CHST9: variants seen among roughly 807,000 people sequenced by gnomAD.
CHST9 encodes GalNAc-4-sulfotransferase 2.
Under a neutral mutation model 44.4 loss-of-function variants are expected in CHST9, and 41 were observed. The observed-to-expected ratio is 0.92, with a 90% CI of 0.72 to 1.20. The LOEUF (loss-of-function observed/expected upper bound fraction) is 1.20. Among genes scored for constraint, CHST9 ranks in the 50% most tolerant of loss-of-function variants. The pLI, the probability that CHST9 is intolerant of heterozygous loss-of-function variation, is 0.00. For synonymous variants in CHST9, 171 were observed against 178.4 expected (o/e 0.96, Z 0.33); for missense variants, 504 against 516.5 (o/e 0.98, Z 0.23).
chr18:27,045,852 A>T (rs1288332917), intron 3 of CHST9, among the ~76,000 whole-genome samples: 1 of 152,076 alleles, frequency 6.6e-6, no homozygotes, highest in Admixed American at 6.6e-5. Context: ...AATAGAAGTC[A>T]CTAAATAGAC....
chr18:27,068,930 A>G (rs2057810884), intron 2 of CHST9, among the ~76,000 whole-genome samples: 1 of 152,172 alleles, frequency 6.6e-6, no homozygotes, highest in Non-Finnish European at 1.5e-5. Context: ...TTTCTAGGAC[A>G]TGAAGGTTTT....
intron 4 of CHST9, among the ~76,000 whole-genome samples, chr18:27,014,458 A>G (rs867903377): frequency 1.8e-3 from 49 of 27,052 alleles, no homozygotes; most frequent in South Asian, 0.012. Flanking sequence ...TGTCTCAAAA[A>G]AAAAAAAAAA....
At chr18:27,010,602 G>A (rs1365731129) in intron 4 of CHST9, among the ~76,000 whole-genome samples, 2 of 152,112 alleles carry the variant, frequency 1.3e-5, no homozygotes, top group Non-Finnish European at 2.9e-5. Context: ...TCTGAACCTT[G>A]GGTTTCTCAT....
At chr18:27,180,216 T>C (rs1404015153) in intron 1 of CHST9, among the ~76,000 whole-genome samples, 1 of 152,190 alleles carries the variant, frequency 6.6e-6, no homozygotes, top group Non-Finnish European at 1.5e-5. Flanking sequence ...TAATGTTTTA[T>C]TTGTCTTAAA....
intron 2 of CHST9, among the ~76,000 whole-genome samples, chr18:27,101,409 G>GTGAA (rs371669685): frequency 6.0e-5 from 9 of 150,940 alleles, no homozygotes; most frequent in African/African-American, 2.2e-4. Flanking sequence ...GGCTAACACG[G>GTGAA]TGAAACCCCC....
At chr18:26,978,209 C>T (rs1242959986) in intron 4 of CHST9, among the ~76,000 whole-genome samples, 1 of 151,344 alleles carries the variant, frequency 6.6e-6, no homozygotes, top group Non-Finnish European at 1.5e-5. Flanking sequence ...CTCTTTGTCT[C>T]AAAATTTTTC....
chr18:26,969,376 C>CTGTGTG (rs1208856677), intron 4 of CHST9, among the ~76,000 whole-genome samples: 97 of 95,694 alleles, frequency 1.0e-3, no homozygotes, highest in Admixed American at 4.3e-3. Context: ...CTCTCTCTCT[C>CTGTGTG]TGTGTGTGTG....
intron 1 of CHST9, among the ~76,000 whole-genome samples, chr18:27,167,778 T>C (rs1268946431): frequency 1.3e-5 from 2 of 152,196 alleles, no homozygotes; most frequent in Admixed American, 6.5e-5. Flanking sequence ...AAGAAGGTGA[T>C]ATCTAAGCTG....
intron 1 of CHST9, among the ~76,000 whole-genome samples, chr18:27,157,861 A>T (rs1296046222): frequency 2.6e-5 from 4 of 152,168 alleles, no homozygotes; most frequent in Non-Finnish European, 5.9e-5. Flanking sequence ...ATAAAATTAT[A>T]AATAATTAGT....
At chr18:26,991,511 G>GAA in intron 4 of CHST9, among the ~76,000 whole-genome samples, 1 of 152,042 alleles carries the variant, frequency 6.6e-6, no homozygotes, top group East Asian at 1.9e-4. Flanking sequence ...GATCCAGAGA[G>GAA]AGATGTGGTT....
intron 3 of CHST9, among the ~76,000 whole-genome samples, chr18:27,024,996 T>A (rs1451739844): frequency 4.6e-5 from 7 of 150,844 alleles, no homozygotes; most frequent in East Asian, 1.9e-4. Flanking sequence ...ATTATATGAC[T>A]ACTTAGTTTT....
At chr18:27,042,126 A>G (rs1256270958) in intron 3 of CHST9, among the ~76,000 whole-genome samples, 1 of 152,150 alleles carries the variant, frequency 6.6e-6, no homozygotes, top group Non-Finnish European at 1.5e-5. Flanking sequence ...GACTTTGTTT[A>G]TACCAACCTG....
At chr18:27,085,160 T>A (rs1046680124) in intron 2 of CHST9, among the ~76,000 whole-genome samples, 1 of 151,842 alleles carries the variant, frequency 6.6e-6, no homozygotes. Context: ...GTTGCACCTA[T>A]CATATCCAAG....
intron 2 of CHST9, among the ~76,000 whole-genome samples, chr18:27,117,439 A>G (rs1471610924): frequency 6.6e-6 from 1 of 152,158 alleles, no homozygotes; most frequent in Non-Finnish European, 1.5e-5. Context: ...CACTTTTGGT[A>G]TTGCACATTC....
intron 4 of CHST9, among the ~76,000 whole-genome samples, chr18:26,991,539 T>C (rs1173380068): frequency 2.0e-5 from 3 of 152,090 alleles, no homozygotes; most frequent in Admixed American, 1.3e-4. Context: ...AATTTGATGA[T>C]TAACAGCATG....
At chr18:26,953,786 T>C (rs150208480) in intron 4 of CHST9, among the ~76,000 whole-genome samples, 1 of 152,278 alleles carries the variant, frequency 6.6e-6, no homozygotes, top group African/African-American at 2.4e-5. Flanking sequence ...TGCTCCCAAT[T>C]AGCCTGCTCC....
At chr18:26,985,062 G>A (rs1320353104) in intron 4 of CHST9, among the ~76,000 whole-genome samples, 2 of 152,142 alleles carry the variant, frequency 1.3e-5, no homozygotes, top group African/African-American at 4.8e-5. Context: ...TTGTAATACT[G>A]TTTATAACAG....
At chr18:26,988,845 T>TG (rs1276677753) in intron 4 of CHST9, among the ~76,000 whole-genome samples, 1 of 152,154 alleles carries the variant, frequency 6.6e-6, no homozygotes, top group African/African-American at 2.4e-5. Flanking sequence ...ATATGTTTTC[T>TG]GGCCATAATG....
intron 3 of CHST9, among the ~76,000 whole-genome samples, chr18:27,035,704 A>G (rs191065702): frequency 6.6e-6 from 1 of 152,330 alleles, no homozygotes; most frequent in East Asian, 1.9e-4. Flanking sequence ...AGAGGCAGAA[A>G]GACAAATTCT....
Sources: gnomAD v4.1 joint callset for allele counts (sites outside exome capture counted in the v4.1 genomes callset) on GRCh38, gnomAD v4.1.1 for gene constraint, MANE v1.5 for transcripts, NCBI Gene and HGNC (gene_info 2026-07-23, HGNC 2026-07-21) for gene names.